Variants in TMEM108 observed in about 807,000 individuals in gnomAD.
TMEM108 encodes the protein transmembrane protein 108.
Under a neutral mutation model 35.1 loss-of-function variants are expected in TMEM108, and 12 were observed. That is an observed-to-expected ratio of 0.34 (90% CI 0.22 to 0.55). The LOEUF is 0.55. Among genes scored for constraint, TMEM108 ranks in the 20% least tolerant of loss-of-function variants. The probability of loss-of-function intolerance (pLI) is 0.89; values close to 1 mark genes in which losing one functional copy is unlikely to be tolerated. For missense variants in TMEM108, 680 were observed against 753.3 expected, an observed-to-expected ratio of 0.90 and a Z score of 1.14; for synonymous variants, 287 against 308.6, an observed-to-expected ratio of 0.93 and a Z score of 0.73.
Position 133,308,150 on chromosome 3 carries a change from G to T in TMEM108, c.41-71602G>T, listed in dbSNP as rs538977654. 1.3e-4 allele frequency among the ~76,000 whole-genome samples: 20 copies of T among 152,052 alleles called. 1 individual carries two copies. Among genetic ancestry groups the T allele is most frequent in the Non-Finnish European group, 2.8e-4 (19 of 68,026 alleles). ...GTGAATGGGAGTTCACTCATGATTT[G>T]GCTCTCTGTTTGTCTGTTATTGACG... On this transcript the variant is annotated intron_variant, in intron 3 of 5. Coordinates refer to ENST00000321871, the MANE Select transcript of TMEM108 (RefSeq NM_023943.4).
intron 3 of TMEM108, among the ~76,000 whole-genome samples, chr3:133,249,361 G>C (rs951603402): frequency 2.6e-5 from 4 of 152,202 alleles, no homozygotes; most frequent in Non-Finnish European, 4.4e-5. Context: ...GTCACACTGT[G>C]GTTAATTATA....
chr3:133,276,368 G>C lies in TMEM108; in HGVS notation c.40+47017G>C, dbSNP rs965400768. Reference sequence around the variant, plus strand: ...TGCTCAGAAAGACCATATAAAGCAGGCTGGATGGTTAAGGAGAATGGAAAT... The same window carrying C: ...TGCTCAGAAAGACCATATAAAGCAGCCTGGATGGTTAAGGAGAATGGAAAT... On this transcript the variant is annotated intron_variant, in intron 3 of 5. Coordinates refer to ENST00000321871, the MANE Select transcript of TMEM108 (RefSeq NM_023943.4). 2.6e-5 allele frequency among the ~76,000 whole-genome samples: 4 copies of C among 152,078 alleles called. No homozygotes were observed. In the South Asian group the frequency reaches 8.3e-4, roughly 32 times the overall value.
At chr3:133,195,359 T>C (rs1945561593) in intron 2 of TMEM108, among the ~76,000 whole-genome samples, 1 of 152,138 alleles carries the variant, frequency 6.6e-6, no homozygotes, top group Non-Finnish European at 1.5e-5. Flanking sequence ...GTACCCTACT[T>C]TTTTTCTATC....
chr3:133,045,302 A>G (rs917026282), intron 1 of TMEM108, among the ~76,000 whole-genome samples: 2 of 152,138 alleles, frequency 1.3e-5, no homozygotes, highest in Admixed American at 1.3e-4. Context: ...TGAGAGAGGA[A>G]CAGTATTTTA....
intron 3 of TMEM108, among the ~76,000 whole-genome samples, chr3:133,369,262 C>T (rs1327681446): frequency 6.6e-6 from 1 of 152,166 alleles, no homozygotes; most frequent in East Asian, 1.9e-4. Flanking sequence ...GGACCTTGAC[C>T]TTGCCAAGAC....
At chr3:133,297,162 C>A (rs1053396419) in intron 3 of TMEM108, among the ~76,000 whole-genome samples, 2 of 152,222 alleles carry the variant, frequency 1.3e-5, no homozygotes, top group Non-Finnish European at 2.9e-5. Flanking sequence ...CAGAGTATTT[C>A]ATTTGTGTCT....
chr3:133,373,079 A>ACC (rs1358303607), intron 3 of TMEM108, among the ~76,000 whole-genome samples: 1 of 152,222 alleles, frequency 6.6e-6, no homozygotes, highest in Non-Finnish European at 1.5e-5. Context: ...GTAGAAAAAG[A>ACC]ACACTGGCCA....
intron 3 of TMEM108, among the ~76,000 whole-genome samples, chr3:133,290,526 C>T (rs1947048758): frequency 6.6e-6 from 1 of 151,802 alleles, no homozygotes; most frequent in South Asian, 2.1e-4. Context: ...AAGGCTGAGG[C>T]AGGAGAATCA....
intron 3 of TMEM108, among the ~76,000 whole-genome samples, chr3:133,336,023 GC>G (rs2071491772): frequency 6.6e-6 from 1 of 152,168 alleles, no homozygotes; most frequent in Non-Finnish European, 1.5e-5. Context: ...ACCAGCCCTA[GC>G]CAGAGAGGAA....
chr3:133,104,590 G>T (rs930214081), intron 2 of TMEM108, among the ~76,000 whole-genome samples: 1 of 152,118 alleles, frequency 6.6e-6, no homozygotes, highest in Non-Finnish European at 1.5e-5. Context: ...TCAGATGTAG[G>T]GCTCCTATTG....
intron 2 of TMEM108, among the ~76,000 whole-genome samples, chr3:133,165,023 A>G (rs1945017195): frequency 6.6e-6 from 1 of 152,214 alleles, no homozygotes; most frequent in Non-Finnish European, 1.5e-5. Flanking sequence ...CTTTGATCCA[A>G]GGAATATAAA....
intron 5 of TMEM108, among the ~76,000 whole-genome samples, chr3:133,393,434 C>G (rs571724544): frequency 1.3e-5 from 2 of 152,336 alleles, no homozygotes; most frequent in African/African-American, 4.8e-5. Flanking sequence ...TTCCCAGCAC[C>G]TGGAGCAGTG....
chr3:133,321,187 A>G (rs2071263096), intron 3 of TMEM108, among the ~76,000 whole-genome samples: 1 of 152,166 alleles, frequency 6.6e-6, no homozygotes, highest in East Asian at 1.9e-4. Flanking sequence ...TGAATGTAAA[A>G]TGGATTAAAT....
chr3:133,097,447 T>G (rs1168846672), intron 2 of TMEM108, among the ~76,000 whole-genome samples: 1 of 152,214 alleles, frequency 6.6e-6, no homozygotes, highest in Non-Finnish European at 1.5e-5. Flanking sequence ...TTGTTGATAA[T>G]AACCCAACCT....
chr3:133,128,064 G>A (rs1380878161), intron 2 of TMEM108, among the ~76,000 whole-genome samples: 9 of 152,196 alleles, frequency 5.9e-5, no homozygotes, highest in Non-Finnish European at 4.4e-5. Context: ...AATATCAGGT[G>A]GATGGATAAA....
At position 133,268,907 on chromosome 3, in the gene TMEM108, C is replaced by G. The variant is rs148961312; in HGVS notation, c.40+39556C>G. On this transcript the variant is annotated intron_variant, in intron 3 of 5. Transcript: ENST00000321871. ...TCCAGATGACCTTTCCAAGCATTGT[C>G]TTTTCTGGGATTAGATGTGGGAGCC... is the stretch of plus-strand genomic sequence containing the variant. Among the ~76,000 whole-genome samples the G allele has an allele frequency of 1.9e-3, 284 of 152,272 alleles. 2 individuals are homozygous for G. The highest frequency in any genetic ancestry group is 6.5e-3 in the African/African-American group (270 of 41,544).
intron 3 of TMEM108, among the ~76,000 whole-genome samples, chr3:133,261,080 T>C (rs1341915714): frequency 1.3e-5 from 2 of 152,208 alleles, no homozygotes; most frequent in Non-Finnish European, 2.9e-5. Context: ...TAGATCCTGT[T>C]GTGGTTAGAA....
intron 2 of TMEM108, among the ~76,000 whole-genome samples, chr3:133,071,974 C>G (rs1014238912): frequency 7.2e-5 from 11 of 152,102 alleles, no homozygotes; most frequent in South Asian, 2.1e-4. Context: ...GGTCTTTAAT[C>G]CATTTTGAGT....
At chr3:133,210,335 CCATTGTTCTAGTGTTCAGT>C (rs1945817714) in intron 2 of TMEM108, among the ~76,000 whole-genome samples, 2 of 152,160 alleles carry the variant, frequency 1.3e-5, no homozygotes, top group South Asian at 4.2e-4. Context: ...CTGTGTTCCT[CCATTGTTCTAGTGTTCAGT>C]CATTGTTCTA....
Sources: gnomAD v4.1 joint callset for allele counts (sites outside exome capture counted in the v4.1 genomes callset) on GRCh38, gnomAD v4.1.1 for gene constraint, MANE v1.5 for transcripts, NCBI Gene and HGNC (gene_info 2026-07-23, HGNC 2026-07-21) for gene names.